XPR1: variants seen among roughly 807,000 people sequenced by gnomAD.
XPR1 encodes the protein solute carrier family 53 member 1.
A neutral mutation model predicts 87.5 loss-of-function variants in XPR1; 28 were observed. The observed-to-expected ratio is 0.32, with a 90% CI of 0.24 to 0.44. The LOEUF (loss-of-function observed/expected upper bound fraction) is 0.44, where lower values mean the gene tolerates loss of function less well. Among genes scored for constraint, XPR1 ranks in the 20% least tolerant of loss-of-function variants. The probability of loss-of-function intolerance (pLI) is 1.00; values close to 1 mark genes in which losing one functional copy is unlikely to be tolerated. For missense variants in XPR1, 559 were observed against 862.3 expected, an observed-to-expected ratio of 0.65 and a Z score of 4.41; for synonymous variants, 300 against 306.1, an observed-to-expected ratio of 0.98 and a Z score of 0.21.
intron 2 of XPR1, among the ~76,000 whole-genome samples, chr1:180,728,858 T>G (rs1335380258): frequency 1.3e-5 from 2 of 152,206 alleles, no homozygotes; most frequent in African/African-American, 4.8e-5. Flanking sequence ...CAGGTTTTTT[T>G]TGTGGAATGT....
At chr1:180,832,001 A>T (rs1343608308) in intron 9 of XPR1, among the ~76,000 whole-genome samples, 3 of 152,162 alleles carry the variant, frequency 2.0e-5, no homozygotes, top group Non-Finnish European at 4.4e-5. Context: ...GAACTAATTT[A>T]TACTCCCACC....
In XPR1 at chr1:180,880,199, G is replaced by A. The variant is rs1435086240; in HGVS notation, c.1932G>A (p.Gln644=). The A allele has an allele frequency of 1.2e-6, 2 of 1,614,078 alleles. No individual in the cohort carries two copies. Among genetic ancestry groups the A allele is most frequent in the African/African-American group, 1.3e-5 (1 of 74,924 alleles). The change falls in exon 14 of 15, where the codon CAG becomes CAA. Residue 644 remains glutamine (Q), a synonymous_variant. Coordinates refer to ENST00000367590, the MANE Select transcript of XPR1 (RefSeq NM_004736.4). ...CAGATGATCAGACTCTCCTAGAACA[G>A]ATGATGGACCAGGATGATGGGGTAC... ...LNADDQTLLE[Q]MMDQDDGVRN...
At chr1:180,684,281 A>C (rs1656685460) in intron 2 of XPR1, among the ~76,000 whole-genome samples, 1 of 152,192 alleles carries the variant, frequency 6.6e-6, no homozygotes, top group Non-Finnish European at 1.5e-5. Context: ...GGTTGTAGAT[A>C]TGCGGCATTA....
chr1:180,743,759 A>G (rs114521576), intron 2 of XPR1, among the ~76,000 whole-genome samples: 2 of 152,068 alleles, frequency 1.3e-5, no homozygotes, highest in African/African-American at 4.8e-5. Flanking sequence ...TTTTCAATGG[A>G]TATGTATTCT....
intron 6 of XPR1, 96 bp downstream of exon 6, chr1:180,806,653 A>T (rs563236979): frequency 9.3e-7 from 1 of 1,078,804 alleles, no homozygotes; most frequent in Admixed American, 2.2e-5. Flanking sequence ...ATTTTCAGCC[A>T]AAGTTTATAA....
rs73047730 is a variant in XPR1 at position 180,885,637 on chromosome 1, A to C, written c.*1571A>C. The C allele has an allele frequency of 1.3e-5, 2 of 152,192 alleles. No homozygotes were observed. The highest frequency in any genetic ancestry group is 4.8e-5 in the African/African-American group (2 of 41,428). The allele number at this position is 152,192 out of a possible 1,614,324, so 9.4% of individuals were successfully genotyped here. The stretch of plus-strand genomic sequence containing the variant: ...TGTGTTTTAATAACCCCCAGACCCA[A>C]ATGAAAATTTCAAAGTCAATACCAG... On this transcript the variant is annotated 3_prime_UTR_variant, in exon 15 of 15. Coordinates refer to ENST00000367590, the MANE Select transcript of XPR1 (RefSeq NM_004736.4).
At chr1:180,771,258 A>T (rs1015939361) in intron 2 of XPR1, among the ~76,000 whole-genome samples, 11 of 152,112 alleles carry the variant, frequency 7.2e-5, no homozygotes, top group African/African-American at 2.7e-4. Flanking sequence ...CAATTAAGTC[A>T]TTCTCTTGAT....
At chr1:180,782,196 A>G (rs981370934) in intron 2 of XPR1, among the ~76,000 whole-genome samples, 2 of 151,646 alleles carry the variant, frequency 1.3e-5, no homozygotes, top group African/African-American at 4.8e-5. Flanking sequence ...TAATCTTACA[A>G]TTGTTGATAT....
chr1:180,803,667 T>C (rs1571853217), intron 4 of XPR1, 56 bp downstream of exon 4: 6 of 1,434,836 alleles, frequency 4.2e-6, no homozygotes, highest in South Asian at 2.4e-5. Context: ...GAAATTTCAA[T>C]AAATGGAAGT....
intron 9 of XPR1, among the ~76,000 whole-genome samples, chr1:180,829,652 C>T (rs753644626): frequency 2.0e-5 from 3 of 152,130 alleles, no homozygotes; most frequent in South Asian, 4.1e-4. Context: ...TCATTAAGGC[C>T]TGTAAGCCGC....
intron 13 of XPR1, among the ~76,000 whole-genome samples, chr1:180,875,906 TATG>T (rs1476711014): frequency 1.3e-5 from 2 of 152,178 alleles, no homozygotes; most frequent in Non-Finnish European, 2.9e-5. Flanking sequence ...AAGACTATCT[TATG>T]AGCAACTTTA....
chr1:180,706,375 C>T (rs1266003323), intron 2 of XPR1, among the ~76,000 whole-genome samples: 1 of 152,158 alleles, frequency 6.6e-6, no homozygotes, highest in Non-Finnish European at 1.5e-5. Context: ...ACAGCTGTGT[C>T]ATTATCCATG....
chr1:180,664,027 A>G (rs936620235), intron 1 of XPR1, among the ~76,000 whole-genome samples: 1 of 152,114 alleles, frequency 6.6e-6, no homozygotes, highest in Admixed American at 6.6e-5. Flanking sequence ...CTCACGCTTC[A>G]GGTCAGTGGA....
chr1:180,814,452 A>C (rs764620529), intron 7 of XPR1, among the ~76,000 whole-genome samples: 8 of 152,240 alleles, frequency 5.3e-5, no homozygotes, highest in Non-Finnish European at 1.0e-4. Flanking sequence ...AAAGGCCTGC[A>C]TGGGTTTCAG....
At chr1:180,704,065 G>A (rs1657457569) in intron 2 of XPR1, among the ~76,000 whole-genome samples, 1 of 150,978 alleles carries the variant, frequency 6.6e-6, no homozygotes, top group Admixed American at 6.6e-5. Context: ...GGCTTATTCA[G>A]GTTTTTTGTT....
intron 7 of XPR1, among the ~76,000 whole-genome samples, chr1:180,818,352 A>G (rs1350518246): frequency 6.7e-6 from 1 of 149,672 alleles, no homozygotes; most frequent in Non-Finnish European, 1.5e-5. Flanking sequence ...TTAAACAGGT[A>G]CATATTTGCT....
chr1:180,682,281 A>G (rs1419181553), intron 1 of XPR1, 79 bp from the exon 2 acceptor site: 3 of 1,176,560 alleles, frequency 2.5e-6, no homozygotes, highest in Non-Finnish European at 3.6e-6. Flanking sequence ...AATATTGAAA[A>G]AGAACTGTTT....
In XPR1 at chr1:180,853,807, T is replaced by C. The variant is rs773166777; in HGVS notation, c.1502-9901T>C. ...ATTCATGTGGTTTTTTTTTTTTTTTTTTTGTATTTTGTTGTATTTTGTTCG... is the reference window on the plus strand; with the variant it reads ...ATTCATGTGGTTTTTTTTTTTTTTTCTTTGTATTTTGTTGTATTTTGTTCG... On this transcript the variant is annotated intron_variant, in intron 11 of 14. Coordinates refer to ENST00000367590, the MANE Select transcript of XPR1 (RefSeq NM_004736.4). Among the ~76,000 whole-genome samples, 1,180 of 151,102 alleles carry C rather than the reference T, an allele frequency of 7.8e-3. 7 individuals carry two copies. Among genetic ancestry groups the C allele is most frequent in the Non-Finnish European group, 0.013 (876 of 67,666 alleles).
chr1:180,824,654 C>T, intron 7 of XPR1, 99 bp from the exon 8 acceptor site: 1 of 1,038,758 alleles, frequency 9.6e-7, no homozygotes, highest in Non-Finnish European at 1.4e-6. Flanking sequence ...TGAAAAATTT[C>T]TATGCCAGGG....
Sources: gnomAD v4.1 joint callset for allele counts (sites outside exome capture counted in the v4.1 genomes callset) on GRCh38, gnomAD v4.1.1 for gene constraint, MANE v1.5 for transcripts, NCBI Gene and HGNC (gene_info 2026-07-23, HGNC 2026-07-21) for gene names.